The following TUSC3 variants were observed in gnomAD, a reference collection of about 807,000 sequenced individuals.
The protein encoded by TUSC3 is dolichyl-diphosphooligosaccharide--protein glycosyltransferase subunit TUSC3.
In TUSC3, 45 loss-of-function variants were observed where a neutral mutation model predicts 44.8. The ratio of observed to expected loss-of-function variants is 1.00; its 90% CI spans 0.79 to 1.29. The LOEUF is 1.29. Among genes scored for constraint, TUSC3 ranks in the 50% most tolerant of loss-of-function variants. The pLI, the probability that TUSC3 is intolerant of heterozygous loss-of-function variation, is 0.00. For synonymous variants in TUSC3, 212 were observed against 152.9 expected (o/e 1.39, Z -2.85); for missense variants, 519 against 437.9 (o/e 1.19, Z -1.65).
At chr8:15,432,840 C>T (rs982364612) in intron 1 of TUSC3, among the ~76,000 whole-genome samples, 9 of 152,124 alleles carry the variant, frequency 5.9e-5, no homozygotes, top group Non-Finnish European at 1.0e-4. Context: ...CAGAAGGCTG[C>T]TTTTGTGTAT....
intron 1 of TUSC3, among the ~76,000 whole-genome samples, chr8:15,418,255 C>T (rs1411769755): frequency 6.6e-6 from 1 of 152,134 alleles, no homozygotes; most frequent in African/African-American, 2.4e-5. Flanking sequence ...TTTATCTGCC[C>T]TGTTATAACA....
chr8:15,706,334 C>G (rs1484184889), intron 6 of TUSC3, among the ~76,000 whole-genome samples: 2 of 151,958 alleles, frequency 1.3e-5, no homozygotes, highest in African/African-American at 4.8e-5. Context: ...AAAGTGTTAT[C>G]TTTTCAAGAG....
At chr8:15,713,702 A>G (rs964541727) in intron 6 of TUSC3, among the ~76,000 whole-genome samples, 3 of 151,840 alleles carry the variant, frequency 2.0e-5, no homozygotes, top group African/African-American at 7.3e-5. Context: ...CTGTGTCTTG[A>G]TCTTTTTTTT....
At chr8:15,749,647 C>A (rs960079786) in intron 9 of TUSC3, among the ~76,000 whole-genome samples, 1 of 151,432 alleles carries the variant, frequency 6.6e-6, no homozygotes, top group African/African-American at 2.4e-5. Context: ...TCATTTTACT[C>A]TTGACTTTAG....
At chr8:15,678,777 C>T (rs1165644718) in intron 6 of TUSC3, among the ~76,000 whole-genome samples, 2 of 152,120 alleles carry the variant, frequency 1.3e-5, no homozygotes, top group East Asian at 3.9e-4. Context: ...TGGCCTCCTT[C>T]CCTCACTCCC....
chr8:15,471,446 T>C (rs1473420971), intron 1 of TUSC3, among the ~76,000 whole-genome samples: 1 of 152,176 alleles, frequency 6.6e-6, no homozygotes, highest in African/African-American at 2.4e-5. Flanking sequence ...TTCTATTAAT[T>C]GTTCTTGGAA....
the TUSC3 span, among the ~76,000 whole-genome samples, chr8:15,841,162 A>G: frequency 4.9e-4 from 75 of 151,904 alleles, no homozygotes; most frequent in African/African-American, 1.7e-3. Flanking sequence ...AAACAGCTAT[A>G]TGTTTTATAT....
intron 1 of TUSC3, among the ~76,000 whole-genome samples, chr8:15,434,422 T>C (rs1799918285): frequency 6.6e-6 from 1 of 152,188 alleles, no homozygotes; most frequent in Admixed American, 6.5e-5. Flanking sequence ...GATTGTGACT[T>C]TTCTTTTTTT....
chr8:15,575,417 A>G (rs114972504), intron 1 of TUSC3, among the ~76,000 whole-genome samples: 298 of 151,914 alleles, frequency 2.0e-3, no homozygotes, highest in African/African-American at 6.8e-3. Context: ...TATCTAACAT[A>G]TGTGTGTACA....
intron 5 of TUSC3, among the ~76,000 whole-genome samples, chr8:15,673,443 G>C (rs1441515108): frequency 1.3e-5 from 2 of 152,004 alleles, no homozygotes; most frequent in African/African-American, 2.4e-5. Flanking sequence ...GACTGGCTCA[G>C]GTGAGCACAT....
At chr8:15,815,033 GGATATAAGTAACGA>G in the TUSC3 span, among the ~76,000 whole-genome samples, 1 of 152,058 alleles carries the variant, frequency 6.6e-6, no homozygotes, top group South Asian at 2.1e-4. Flanking sequence ...TGTTTTTAAA[GGATATAAGTAACGA>G]GATATAAGTA....
chr8:15,627,346 C>T (rs950690770), intron 2 of TUSC3, among the ~76,000 whole-genome samples: 1 of 152,226 alleles, frequency 6.6e-6, no homozygotes, highest in Non-Finnish European at 1.5e-5. Flanking sequence ...TGGAGAGGAG[C>T]TGCCCACTGC....
At chr8:15,605,556 A>G (rs548166819) in intron 1 of TUSC3, among the ~76,000 whole-genome samples, 114 of 151,890 alleles carry the variant, frequency 7.5e-4, no homozygotes, top group Non-Finnish European at 1.5e-3. Flanking sequence ...TTTTTTTAAG[A>G]TATGTGACAA....
intron 2 of TUSC3, among the ~76,000 whole-genome samples, chr8:15,642,754 C>T (rs982923982): frequency 6.6e-6 from 1 of 152,100 alleles, no homozygotes. Flanking sequence ...GGCATGTTAT[C>T]ATAAACAAGG....
chr8:15,478,983 A>G (rs958833374), intron 1 of TUSC3, among the ~76,000 whole-genome samples: 5 of 152,118 alleles, frequency 3.3e-5, no homozygotes, highest in Non-Finnish European at 7.4e-5. Flanking sequence ...TGTGACTGGC[A>G]TGAGATGCTA....
At chr8:15,505,246 C>T (rs111667236) in intron 2 of TUSC3, among the ~76,000 whole-genome samples, 2 of 152,118 alleles carry the variant, frequency 1.3e-5, no homozygotes, top group African/African-American at 4.8e-5. Flanking sequence ...AATGATCCTT[C>T]CAAACAAGAA....
intron 6 of TUSC3, among the ~76,000 whole-genome samples, chr8:15,696,538 A>G (rs373311038): frequency 2.0e-5 from 3 of 152,188 alleles, no homozygotes; most frequent in African/African-American, 7.2e-5. Context: ...CCTCGTAGAG[A>G]TGTGAGAAGA....
chr8:15,700,987 T>C (rs1201185467), intron 6 of TUSC3, among the ~76,000 whole-genome samples: 1 of 151,792 alleles, frequency 6.6e-6, no homozygotes, highest in East Asian at 1.9e-4. Flanking sequence ...TTCTTCTCTC[T>C]ACCTTTCAGA....
intron 2 of TUSC3, among the ~76,000 whole-genome samples, chr8:15,645,620 C>T (rs1806591096): frequency 6.6e-6 from 1 of 151,980 alleles, no homozygotes; most frequent in African/African-American, 2.4e-5. Flanking sequence ...TATTGCAGTA[C>T]ATATGAAAAT....
Sources: allele counts gnomAD v4.1 joint callset (sites outside exome capture counted in the v4.1 genomes callset), GRCh38; gene constraint gnomAD v4.1.1; transcripts MANE v1.5; gene names NCBI Gene and HGNC (gene_info 2026-07-23, HGNC 2026-07-21).